Variants in WWOX observed in about 807,000 individuals in gnomAD.
WWOX encodes the protein WW domain-containing oxidoreductase.
A neutral mutation model predicts 46.2 loss-of-function variants in WWOX; 69 were observed. The ratio of observed to expected loss-of-function variants is 1.49; its 90% CI spans 1.23 to 1.82. The LOEUF is 1.82. Ranked by LOEUF, WWOX falls within the 40% of genes most tolerant of loss-of-function variation. WWOX has a pLI of 0.00. For missense variants in WWOX, 919 were observed against 542.6 expected (o/e 1.69, Z -6.89); for synonymous variants, 359 against 202.6 (o/e 1.77, Z -6.56).
intron 8 of WWOX, among the ~76,000 whole-genome samples, chr16:78,934,454 A>G (rs1270913126): frequency 6.7e-6 from 1 of 149,462 alleles, no homozygotes; most frequent in Admixed American, 6.7e-5. Context: ...GGCTGCAGTG[A>G]ACTGTGATCA....
chr16:78,518,766 A>G (rs1474401287), intron 8 of WWOX, among the ~76,000 whole-genome samples: 1 of 152,136 alleles, frequency 6.6e-6, no homozygotes, highest in Non-Finnish European at 1.5e-5. Context: ...CCAGCTTCCT[A>G]GGAGGTGTCT....
At chr16:78,580,518 TCCC>T (rs1876080997) in intron 8 of WWOX, among the ~76,000 whole-genome samples, 1 of 152,110 alleles carries the variant, frequency 6.6e-6, no homozygotes, top group South Asian at 2.1e-4. Context: ...TTATAAGCAG[TCCC>T]ATCACGAACA....
intron 6 of WWOX, among the ~76,000 whole-genome samples, chr16:78,413,305 A>C (rs1567557555): frequency 6.6e-6 from 1 of 152,140 alleles, no homozygotes; most frequent in Non-Finnish European, 1.5e-5. Flanking sequence ...ACCACCAAAC[A>C]GGGTTTGTGT....
chr16:78,197,551 T>C (rs1197170474), intron 5 of WWOX, among the ~76,000 whole-genome samples: 2 of 152,232 alleles, frequency 1.3e-5, no homozygotes, highest in Non-Finnish European at 2.9e-5. Context: ...ATGAAACATT[T>C]CTCCCATCTT....
At chr16:78,421,469 A>T (rs1213783892) in intron 6 of WWOX, among the ~76,000 whole-genome samples, 3 of 152,194 alleles carry the variant, frequency 2.0e-5, no homozygotes, top group African/African-American at 7.2e-5. Flanking sequence ...ACCTTAATCC[A>T]AGATGATCTC....
chr16:78,261,650 A>G, intron 5 of WWOX, among the ~76,000 whole-genome samples: 1 of 150,008 alleles, frequency 6.7e-6, no homozygotes, highest in East Asian at 1.9e-4. Context: ...CAGGGAGACT[A>G]TGGAAGAACA....
At chr16:78,502,947 GCTGT>G (rs2085107303) in intron 8 of WWOX, among the ~76,000 whole-genome samples, 1 of 152,188 alleles carries the variant, frequency 6.6e-6, no homozygotes, top group Admixed American at 6.5e-5. Flanking sequence ...GAAATGAGAT[GCTGT>G]CTAAGAAAGG....
intron 8 of WWOX, among the ~76,000 whole-genome samples, chr16:78,635,711 C>T (rs1044604220): frequency 6.6e-6 from 1 of 152,180 alleles, no homozygotes; most frequent in African/African-American, 2.4e-5. Context: ...TCAACATCAT[C>T]TCCGTCCACA....
chr16:78,995,281 T>C (rs369024167), intron 8 of WWOX, among the ~76,000 whole-genome samples: 2 of 152,210 alleles, frequency 1.3e-5, no homozygotes, highest in African/African-American at 4.8e-5. Context: ...AACAGAGGCA[T>C]CTGGATGCAT....
rs542414155 is a variant in WWOX, at chr16:78,634,001, G to C, written c.1056+201249G>C. ...AGTCTGAGCCCCTAGAGAGACCAAAGAGGCAACCCTCGAGCCAACTGACAG... is the reference window on the plus strand; with the variant it reads ...AGTCTGAGCCCCTAGAGAGACCAAACAGGCAACCCTCGAGCCAACTGACAG... On this transcript the variant is annotated intron_variant, in intron 8 of 8. Transcript: ENST00000566780. Among the ~76,000 whole-genome samples, 47 of 151,468 alleles carry C rather than the reference G, an allele frequency of 3.1e-4. 2 individuals carry two copies. In the South Asian group the frequency reaches 9.8e-3, roughly 32 times the overall value.
intron 5 of WWOX, among the ~76,000 whole-genome samples, chr16:78,368,353 C>T (rs1197522223): frequency 1.3e-5 from 2 of 152,170 alleles, no homozygotes; most frequent in Admixed American, 6.5e-5. Flanking sequence ...ACAATTTCCC[C>T]ACATGCCCTT....
intron 8 of WWOX, among the ~76,000 whole-genome samples, chr16:78,578,254 T>TTATACATATATATATATATATATATA (rs1555567047): frequency 3.2e-5 from 1 of 31,630 alleles, no homozygotes; most frequent in Non-Finnish European, 6.0e-5. Flanking sequence ...ATACCAAATT[T>TTATACATATATATATATATATATATA]TATATATATA....
chr16:79,200,620 C>T (rs1310718928), intron 8 of WWOX, among the ~76,000 whole-genome samples: 1 of 152,144 alleles, frequency 6.6e-6, no homozygotes, highest in Non-Finnish European at 1.5e-5. Flanking sequence ...CAGCAGTCAT[C>T]ACCACCGTCG....
intron 8 of WWOX, among the ~76,000 whole-genome samples, chr16:78,544,894 T>C (rs1158929644): frequency 6.6e-6 from 1 of 151,928 alleles, no homozygotes; most frequent in Non-Finnish European, 1.5e-5. Flanking sequence ...AATGAGATTA[T>C]GGCCAGGGGT....
chr16:78,520,056 T>C (rs558067015), intron 8 of WWOX, among the ~76,000 whole-genome samples: 51 of 152,296 alleles, frequency 3.3e-4, no homozygotes, highest in South Asian at 2.7e-3. Flanking sequence ...ATGGAACTTA[T>C]TGAGGGACAT....
intron 8 of WWOX, among the ~76,000 whole-genome samples, chr16:78,628,147 G>A (rs964228039): frequency 1.3e-5 from 2 of 152,196 alleles, no homozygotes; most frequent in African/African-American, 4.8e-5. Flanking sequence ...TTCCTTTGTT[G>A]GAGGTGGGAA....
intron 1 of WWOX, among the ~76,000 whole-genome samples, chr16:78,104,118 T>C (rs1033137435): frequency 6.6e-6 from 1 of 152,038 alleles, no homozygotes; most frequent in Admixed American, 6.6e-5. Flanking sequence ...CCCGTGCCTC[T>C]TATGAAGCTC....
At chr16:79,209,562 C>T (rs572198351) in intron 8 of WWOX, among the ~76,000 whole-genome samples, 6 of 152,140 alleles carry the variant, frequency 3.9e-5, no homozygotes, top group Admixed American at 2.0e-4. Context: ...TCCCACCACT[C>T]GGGAGTTAAT....
At chr16:79,149,142 C>G (rs1567582830) in intron 8 of WWOX, among the ~76,000 whole-genome samples, 1 of 152,122 alleles carries the variant, frequency 6.6e-6, no homozygotes, top group Non-Finnish European at 1.5e-5. Context: ...TACCATTTCA[C>G]CACTAAATTT....
Sources: allele counts gnomAD v4.1 joint callset (sites outside exome capture counted in the v4.1 genomes callset), GRCh38; gene constraint gnomAD v4.1.1; transcripts MANE v1.5; gene names NCBI Gene and HGNC (gene_info 2026-07-23, HGNC 2026-07-21).